Variants in C4orf51 observed in about 807,000 individuals in gnomAD.
The protein encoded by C4orf51 is chromosome 4 open reading frame 51, also known as uncharacterized protein C4orf51.
In C4orf51, 25 loss-of-function variants were observed where a neutral mutation model predicts 25.2. That is an observed-to-expected ratio of 0.99 (90% confidence interval 0.72 to 1.39). The LOEUF is 1.39. C4orf51 is among the 40% of genes most tolerant of loss of function. The pLI is 0.00. For missense variants in C4orf51, 252 were observed against 239.6 expected (o/e 1.05, Z -0.34); for synonymous variants, 100 against 84.5 (o/e 1.18, Z -1.01).
the C4orf51 span, among the ~76,000 whole-genome samples, chr4:145,776,633 A>G: frequency 2.6e-5 from 4 of 151,976 alleles, no homozygotes; most frequent in African/African-American, 9.7e-5. Context: ...TGTGTACCCC[A>G]TGTGTCAGTC....
chr4:145,698,640 A>G (rs983153150), intron 2 of C4orf51, among the ~76,000 whole-genome samples: 1 of 152,140 alleles, frequency 6.6e-6, no homozygotes, highest in Admixed American at 6.5e-5. Flanking sequence ...ATCAGTCTTA[A>G]GGTCTCTCTG....
At position 145,762,956 on chromosome 4, in the gene C4orf51, T is replaced by C; in HGVS notation, n.167-8032T>C. The C allele has an allele frequency of 5.0e-6, 4 of 806,214 alleles. No individual in the cohort carries two copies. Among genetic ancestry groups the C allele is most frequent in the Non-Finnish European group, 7.8e-6 (4 of 512,532 alleles). The allele number at this position is 806,214 out of a possible 1,614,324, so 49.9% of individuals were successfully genotyped here. A position where few individuals can be genotyped will look rare whatever the true frequency, so the allele number is the denominator to read the frequency against. ...GAGCCCAACACAACCAAGTGCACCGTGCACGGCCTCCTCAGCGCCAAGCTC... is the reference window on the plus strand; with the variant it reads ...GAGCCCAACACAACCAAGTGCACCGCGCACGGCCTCCTCAGCGCCAAGCTC... On this transcript the variant is annotated intron_variant and non_coding_transcript_variant, in intron 1 of 1. Coordinates refer to the C4orf51 transcript ENST00000510096. The surrounding 1 kb of genome is among the most constrained non-coding windows in gnomAD (Gnocchi z 4.9).
At chr4:145,729,862 A>G in intron 4 of C4orf51, 30 bp from the exon 5 acceptor site, 1 of 1,584,072 alleles carries the variant, frequency 6.3e-7, no homozygotes, top group South Asian at 1.1e-5. Context: ...TATCGCAAAC[A>G]CTCACACATT....
At chr4:145,733,248 T>A (rs1278806933), downstream of C4orf51, among the ~76,000 whole-genome samples, 4 of 149,538 alleles carry the variant, frequency 2.7e-5, no homozygotes, top group Non-Finnish European at 5.9e-5. Flanking sequence ...ACGGCCCACC[T>A]CTTCTCCCCC....
At chr4:145,745,252 G>A (rs1733306348) in intron 1 of C4orf51, among the ~76,000 whole-genome samples, 1 of 150,534 alleles carries the variant, frequency 6.6e-6, no homozygotes, top group African/African-American at 2.4e-5. Flanking sequence ...ATTATAAAAT[G>A]TACAATTAGA....
the C4orf51 span, chr4:145,779,341 A>T: frequency 6.2e-7 from 1 of 1,607,844 alleles, no homozygotes; most frequent in East Asian, 2.2e-5. Context: ...GATGGAGCAT[A>T]GAGGGCTGAC....
intron 1 of C4orf51, among the ~76,000 whole-genome samples, chr4:145,694,155 C>G (rs1207916884): frequency 7.1e-6 from 1 of 140,986 alleles, no homozygotes; most frequent in Admixed American, 7.0e-5. Context: ...CTCCTCCTCA[C>G]ATCCCAGACG....
At chr4:145,775,929 G>A, downstream of C4orf51, 1 of 1,614,208 alleles carries the variant, frequency 6.2e-7, no homozygotes, top group African/African-American at 1.3e-5. Context: ...TAGCAGCATA[G>A]GGGCACAAGT....
At chr4:145,703,969 G>A (rs1319188846) in intron 2 of C4orf51, among the ~76,000 whole-genome samples, 1 of 152,138 alleles carries the variant, frequency 6.6e-6, no homozygotes, top group Non-Finnish European at 1.5e-5. Context: ...ATGCATCCAC[G>A]GGAGCCTTCA....
chr4:145,766,707 A>G (rs371282274), intron 1 of C4orf51, among the ~76,000 whole-genome samples: 1 of 152,214 alleles, frequency 6.6e-6, no homozygotes, highest in African/African-American at 2.4e-5. Context: ...GACTACCCAT[A>G]GTTGGAGGGG....
chr4:145,760,712 G>C lies in C4orf51; in HGVS notation n.167-10276G>C, dbSNP rs113803494. 3.8e-4 allele frequency: 385 copies of C among 1,014,608 alleles called. 1 individual carries two copies. The African/African-American group carries it at 7.6e-3, about 20-fold the overall frequency. The allele number at this position is 1,014,608 out of a possible 1,614,324, so 62.9% of individuals were successfully genotyped here. On this transcript the variant is annotated intron_variant and non_coding_transcript_variant, in intron 1 of 1. Transcript: ENST00000510096. ...ATACACCTGCTGGGGTTGTGTTTAA[G>C]TTTTGTGGTTTTTTTTTTTTTTTTT...
intron 2 of C4orf51, among the ~76,000 whole-genome samples, chr4:145,701,683 C>T (rs1267950679): frequency 1.3e-5 from 2 of 151,830 alleles, no homozygotes; most frequent in African/African-American, 2.4e-5. Flanking sequence ...ACCCACTCCA[C>T]ATTACCTTCT....
chr4:145,788,369 A>G, the C4orf51 span, among the ~76,000 whole-genome samples: 1 of 152,230 alleles, frequency 6.6e-6, no homozygotes, highest in African/African-American at 2.4e-5. Flanking sequence ...GAACTTGAGC[A>G]CCATAGGGAC....
intron 1 of C4orf51, among the ~76,000 whole-genome samples, chr4:145,686,323 G>T (rs1729149622): frequency 6.6e-6 from 1 of 152,136 alleles, no homozygotes; most frequent in Non-Finnish European, 1.5e-5. Flanking sequence ...TCTAGAGATG[G>T]ATAGTAGTAA....
intron 2 of C4orf51, among the ~76,000 whole-genome samples, chr4:145,711,346 T>G (rs1292043120): frequency 6.6e-6 from 1 of 152,250 alleles, no homozygotes. Flanking sequence ...CACTTTCCAT[T>G]GCTGGGGCTC....
intron 1 of C4orf51, among the ~76,000 whole-genome samples, chr4:145,684,805 G>A (rs1729046523): frequency 6.6e-6 from 1 of 152,126 alleles, no homozygotes; most frequent in Admixed American, 6.5e-5. Flanking sequence ...GGGAAGCTGG[G>A]GAATGGAGAG....
chr4:145,701,806 T>A (rs1414283069), intron 2 of C4orf51, among the ~76,000 whole-genome samples: 3 of 152,064 alleles, frequency 2.0e-5, no homozygotes, highest in Non-Finnish European at 2.9e-5. Flanking sequence ...CACTCTTTTA[T>A]GCACTCTTTT....
downstream of C4orf51, among the ~76,000 whole-genome samples, chr4:145,737,260 G>A (rs888011775): frequency 3.9e-5 from 6 of 152,092 alleles, no homozygotes; most frequent in African/African-American, 1.4e-4. Context: ...ATTAATATTT[G>A]TCTTAACATA....
chr4:145,747,663 T>TC (rs1165497065), intron 1 of C4orf51, among the ~76,000 whole-genome samples: 2 of 150,190 alleles, frequency 1.3e-5, no homozygotes, highest in African/African-American at 4.9e-5. Flanking sequence ...TCTCCCTTCC[T>TC]CCCCGCTTCT....
Sources: gnomAD v4.1 joint callset for allele counts (sites outside exome capture counted in the v4.1 genomes callset) on GRCh38, gnomAD v4.1.1 for gene constraint, Gnocchi (gnomAD v3.1) non-coding constraint, MANE v1.5 for transcripts, NCBI Gene and HGNC (gene_info 2026-07-23, HGNC 2026-07-21) for gene names.